AKAP6: variants seen among roughly 807,000 people sequenced by gnomAD.
The protein encoded by AKAP6 is A-kinase anchoring protein 6, also known as A-kinase anchor protein 6.
Under a neutral mutation model 188.5 loss-of-function variants are expected in AKAP6, and 58 were observed. The ratio of observed to expected loss-of-function variants is 0.31; its 90% CI spans 0.25 to 0.38. The LOEUF (loss-of-function observed/expected upper bound fraction) is 0.38, where lower values mean the gene tolerates loss of function less well. Among genes scored for constraint, AKAP6 ranks in the 10% least tolerant of loss-of-function variants. The pLI is 1.00. For synonymous variants in AKAP6, 989 were observed against 998.6 expected, an observed-to-expected ratio of 0.99 and a Z score of 0.18; for missense variants, 2,710 against 2,740.0, an observed-to-expected ratio of 0.99 and a Z score of 0.24.
intron 2 of AKAP6, among the ~76,000 whole-genome samples, chr14:32,489,981 A>T (rs746345186): frequency 3.9e-5 from 6 of 152,152 alleles, no homozygotes; most frequent in Non-Finnish European, 7.4e-5. Context: ...AGGTTTTGGG[A>T]TAGGCAGTGG....
intron 3 of AKAP6, among the ~76,000 whole-genome samples, chr14:32,536,326 A>T (rs988256770): frequency 2.0e-5 from 3 of 152,220 alleles, no homozygotes; most frequent in Non-Finnish European, 4.4e-5. Flanking sequence ...AGACAGGAAT[A>T]GACTGGTGAA....
rs999458058 is a variant in AKAP6 at position 32,374,670 on chromosome 14, G to A, written c.-35+45262G>A. On this transcript the variant is annotated intron_variant, in intron 1 of 13. Transcript: ENST00000280979. ...ACATTTTATTATGAACAGTTTTAAA[G>A]TATAGATTTTATTTTTAAATAAAAT... Among the ~76,000 whole-genome samples the A allele has an allele frequency of 6.6e-5, 10 of 152,242 alleles. No individual in the cohort carries two copies. The South Asian group carries it at 1.7e-3, about 25-fold the overall frequency.
At chr14:32,702,499 T>C (rs1481015541) in intron 9 of AKAP6, among the ~76,000 whole-genome samples, 1 of 152,056 alleles carries the variant, frequency 6.6e-6, no homozygotes, top group Admixed American at 6.6e-5. Flanking sequence ...TCAACAATGT[T>C]TGAAACACTG....
At chr14:32,362,400 A>G (rs1887693469) in intron 1 of AKAP6, among the ~76,000 whole-genome samples, 1 of 152,216 alleles carries the variant, frequency 6.6e-6, no homozygotes, top group Admixed American at 6.5e-5. Context: ...ATACAAAGTA[A>G]TGTGGGTAAA....
chr14:32,738,385 G>A (rs1340954171), intron 11 of AKAP6, among the ~76,000 whole-genome samples: 4 of 152,122 alleles, frequency 2.6e-5, no homozygotes, highest in Admixed American at 6.6e-5. Flanking sequence ...AAAACGAGTC[G>A]AGGAAGAGCA....
chr14:32,651,133 G>A (rs1224841198), intron 7 of AKAP6, among the ~76,000 whole-genome samples: 1 of 152,130 alleles, frequency 6.6e-6, no homozygotes, highest in African/African-American at 2.4e-5. Flanking sequence ...AATCTGTGCA[G>A]GCCTCTTTGC....
chr14:32,667,044 G>A (rs1337398621), intron 7 of AKAP6, among the ~76,000 whole-genome samples: 1 of 151,758 alleles, frequency 6.6e-6, no homozygotes, highest in Non-Finnish European at 1.5e-5. Flanking sequence ...ATATTTTCTT[G>A]TTATTTTTCA....
chr14:32,746,131 G>A (rs1594904679), intron 11 of AKAP6, among the ~76,000 whole-genome samples: 1 of 152,202 alleles, frequency 6.6e-6, no homozygotes, highest in East Asian at 1.9e-4. Flanking sequence ...TGGAATTGGG[G>A]ACCCCAAGAG....
intron 2 of AKAP6, among the ~76,000 whole-genome samples, chr14:32,492,355 T>TATATATATTTATAGAGAGAGAG: frequency 1.2e-5 from 1 of 82,586 alleles, no homozygotes; most frequent in Non-Finnish European, 2.7e-5. Flanking sequence ...TATATATATA[T>TATATATATTTATAGAGAGAGAG]AGAGAGAGAG....
intron 1 of AKAP6, among the ~76,000 whole-genome samples, chr14:32,392,866 C>A (rs189390174): frequency 1.4e-4 from 22 of 152,124 alleles, no homozygotes; most frequent in Middle Eastern, 3.4e-3. Flanking sequence ...AATAAATAAA[C>A]TGGGAGAATG....
rs1482286175 is a variant in AKAP6, at chr14:32,484,502, ATGT to A, written c.324+50690_324+50692del. On this transcript the variant is annotated intron_variant, in intron 2 of 13. Coordinates refer to ENST00000280979, the MANE Select transcript of AKAP6 (RefSeq NM_004274.5). Reference sequence around the variant, plus strand: ...AGAAGGGGGTAGGAGTCAGAAGCTTATGTTGTTTATGCGGGGGAATGCCATATC... The same window carrying A: ...AGAAGGGGGTAGGAGTCAGAAGCTTATGTTTATGCGGGGGAATGCCATATC... 5 of 195,014 alleles carry A rather than the reference ATGT, an allele frequency of 2.6e-5. 1 individual carries two copies. Among genetic ancestry groups the A allele is most frequent in the Non-Finnish European group, 3.0e-5 (4 of 135,156 alleles). The allele number at this position is 195,014 out of a possible 1,614,324, so 12.1% of individuals were successfully genotyped here.
In AKAP6 at chr14:32,552,556, AG is replaced by A. The variant is rs202018696; in HGVS notation, c.2346+5558del. 7.7e-3 allele frequency among the ~76,000 whole-genome samples: 1,173 copies of A among 152,358 alleles called. 16 individuals are homozygous for A. The highest frequency in any genetic ancestry group is 0.027 in the African/African-American group (1,104 of 41,584). ...AAGGGGAAAAAACCCAACAACCTTT[AG>A]ATTTGTTTGAAATAATTAATGAAGA... On this transcript the variant is annotated intron_variant, in intron 4 of 13. Coordinates refer to ENST00000280979, the MANE Select transcript of AKAP6 (RefSeq NM_004274.5).
At chr14:32,654,181 C>T (rs533905745) in intron 7 of AKAP6, among the ~76,000 whole-genome samples, 30 of 152,206 alleles carry the variant, frequency 2.0e-4, no homozygotes, top group African/African-American at 6.3e-4. Flanking sequence ...AAATGTCATA[C>T]TCAATTTAAT....
chr14:32,759,749 G>T (rs2032473386), intron 11 of AKAP6, among the ~76,000 whole-genome samples: 1 of 152,058 alleles, frequency 6.6e-6, no homozygotes. Context: ...GGGATGGGGA[G>T]GTGCCACACA....
chr14:32,636,318 A>T (rs1425062774), intron 7 of AKAP6, among the ~76,000 whole-genome samples: 1 of 152,144 alleles, frequency 6.6e-6, no homozygotes, highest in East Asian at 1.9e-4. Flanking sequence ...ACTTATCAAA[A>T]CATAATTTGT....
chr14:32,434,462 C>T (rs1195229368), intron 2 of AKAP6, among the ~76,000 whole-genome samples: 1 of 152,088 alleles, frequency 6.6e-6, no homozygotes, highest in Non-Finnish European at 1.5e-5. Flanking sequence ...CGTTTTTGGC[C>T]TAGGGACTTC....
intron 9 of AKAP6, among the ~76,000 whole-genome samples, chr14:32,731,243 C>A (rs962178870): frequency 6.6e-6 from 1 of 152,088 alleles, no homozygotes; most frequent in Admixed American, 6.6e-5. Flanking sequence ...AACATATGCA[C>A]GCAAATGCTG....
At chr14:32,621,619 T>C (rs148195026) in intron 7 of AKAP6, among the ~76,000 whole-genome samples, 215 of 152,268 alleles carry the variant, frequency 1.4e-3, no homozygotes, top group Non-Finnish European at 2.5e-3. Flanking sequence ...GAATGTTCCA[T>C]GTGCTGACGA....
intron 2 of AKAP6, among the ~76,000 whole-genome samples, chr14:32,504,848 A>C (rs1004088907): frequency 6.6e-6 from 1 of 152,206 alleles, no homozygotes; most frequent in African/African-American, 2.4e-5. Context: ...GGTAGGCCTC[A>C]GCTCTGCTCC....
Sources: allele counts gnomAD v4.1 joint callset (sites outside exome capture counted in the v4.1 genomes callset), GRCh38; gene constraint gnomAD v4.1.1; transcripts MANE v1.5; gene names NCBI Gene and HGNC (gene_info 2026-07-23, HGNC 2026-07-21).